MSI2: variants seen among roughly 807,000 people sequenced by gnomAD.
MSI2 encodes the protein musashi RNA binding protein 2.
Under a neutral mutation model 45.6 loss-of-function variants are expected in MSI2, and 17 were observed. That is an observed-to-expected ratio of 0.37 (90% confidence interval 0.26 to 0.56). The LOEUF (loss-of-function observed/expected upper bound fraction) is 0.56. Ranked by LOEUF, MSI2 falls within the 20% of genes least tolerant of loss-of-function variation. The probability of loss-of-function intolerance (pLI) is 0.77; values close to 1 mark genes in which losing one functional copy is unlikely to be tolerated. For synonymous variants in MSI2, 156 were observed against 158.2 expected (o/e 0.99, Z 0.11); for missense variants, 293 against 444.2 (o/e 0.66, Z 3.06).
At chr17:57,517,653 T>C (rs1302332873) in intron 6 of MSI2, among the ~76,000 whole-genome samples, 2 of 152,154 alleles carry the variant, frequency 1.3e-5, no homozygotes, top group Non-Finnish European at 2.9e-5. Flanking sequence ...TCTCCCTCGG[T>C]TACCAACATG....
intron 6 of MSI2, among the ~76,000 whole-genome samples, chr17:57,516,446 ATT>A (rs2086471585): frequency 6.6e-6 from 1 of 152,108 alleles, no homozygotes; most frequent in African/African-American, 2.4e-5. Context: ...AAGATGGTTT[ATT>A]TGCATGCGAC....
intron 5 of MSI2, among the ~76,000 whole-genome samples, chr17:57,331,158 C>G (rs1026314227): frequency 3.9e-5 from 6 of 152,030 alleles, no homozygotes. Context: ...AGGTGATCCA[C>G]CCGCCTCGGC....
chr17:57,475,339 G>A (rs2085517239), intron 6 of MSI2, among the ~76,000 whole-genome samples: 1 of 152,126 alleles, frequency 6.6e-6, no homozygotes, highest in Admixed American at 6.5e-5. Context: ...GTGGGAACGT[G>A]GGTGAGTGTC....
chr17:57,501,708 G>A (rs898810868), intron 6 of MSI2, among the ~76,000 whole-genome samples: 5 of 152,196 alleles, frequency 3.3e-5, no homozygotes, highest in African/African-American at 1.2e-4. Context: ...ACCAAGTTCA[G>A]CCGTTGGCAA....
chr17:57,418,594 C>A (rs1362539396), intron 6 of MSI2, among the ~76,000 whole-genome samples: 1 of 152,198 alleles, frequency 6.6e-6, no homozygotes, highest in African/African-American at 2.4e-5. Context: ...AGGACAGGTG[C>A]TCTGTGTGGA....
At chr17:57,316,425 T>C (rs1912856481) in intron 5 of MSI2, among the ~76,000 whole-genome samples, 1 of 151,818 alleles carries the variant, frequency 6.6e-6, no homozygotes, top group African/African-American at 2.4e-5. Context: ...CCTCCCGGGT[T>C]CAAGCAATCC....
intron 11 of MSI2, among the ~76,000 whole-genome samples, chr17:57,653,458 C>A (rs1230581514): frequency 6.6e-6 from 1 of 152,136 alleles, no homozygotes; most frequent in African/African-American, 2.4e-5. Flanking sequence ...GCCCCACCTG[C>A]CCTCTGGCCA....
At chr17:57,337,521 TG>T (rs1388396981) in intron 5 of MSI2, among the ~76,000 whole-genome samples, 4 of 152,182 alleles carry the variant, frequency 2.6e-5, no homozygotes, top group Non-Finnish European at 5.9e-5. Context: ...GGAAGGCTGT[TG>T]TCTCTGTGTC....
At chr17:57,542,934 T>C (rs549955335) in intron 7 of MSI2, among the ~76,000 whole-genome samples, 2 of 152,360 alleles carry the variant, frequency 1.3e-5, no homozygotes, top group South Asian at 4.1e-4. Context: ...GATTGCTATT[T>C]GCTTGATTAT....
chr17:57,523,098 A>G (rs938434565), intron 6 of MSI2, among the ~76,000 whole-genome samples: 2 of 148,364 alleles, frequency 1.3e-5, no homozygotes, highest in Non-Finnish European at 3.0e-5. Flanking sequence ...TCCAGGCTGG[A>G]GTGCAATGGC....
At chr17:57,568,520 C>T (rs1389301519) in intron 7 of MSI2, among the ~76,000 whole-genome samples, 1 of 152,184 alleles carries the variant, frequency 6.6e-6, no homozygotes, top group East Asian at 1.9e-4. Flanking sequence ...CAAAGGGCCT[C>T]ACAGCAGGAG....
intron 6 of MSI2, among the ~76,000 whole-genome samples, chr17:57,454,499 C>T (rs1333589283): frequency 3.4e-5 from 5 of 147,364 alleles, no homozygotes; most frequent in South Asian, 2.1e-4. Context: ...TGCAGTGGCA[C>T]GATCTTGGCT....
At chr17:57,403,151 G>T (rs2084023719) in intron 6 of MSI2, among the ~76,000 whole-genome samples, 1 of 152,156 alleles carries the variant, frequency 6.6e-6, no homozygotes, top group African/African-American at 2.4e-5. Flanking sequence ...GGAATCTCAT[G>T]GGCCTATTTG....
chr17:57,479,891 A>G lies in MSI2; in HGVS notation c.406-49785A>G, dbSNP rs76440728. On this transcript the variant is annotated intron_variant, in intron 6 of 13. Coordinates refer to ENST00000284073, the MANE Select transcript of MSI2 (RefSeq NM_138962.4). ...GACTGCAGCTTGTGGAGATTGAGTA[A>G]TATATCCAACGTTCTGCCAGCATTC... 2.6e-3 allele frequency among the ~76,000 whole-genome samples: 396 copies of G among 152,348 alleles called. 2 individuals carry two copies. The highest frequency in any genetic ancestry group is 8.7e-3 in the African/African-American group (361 of 41,578).
At chr17:57,558,188 G>A (rs912199057) in intron 7 of MSI2, among the ~76,000 whole-genome samples, 6 of 152,130 alleles carry the variant, frequency 3.9e-5, no homozygotes, top group Admixed American at 3.9e-4. Context: ...CGCCGTTATG[G>A]TCTCAGCGTA....
At chr17:57,330,765 A>G (rs922910629) in intron 5 of MSI2, among the ~76,000 whole-genome samples, 1 of 152,136 alleles carries the variant, frequency 6.6e-6, no homozygotes, top group Admixed American at 6.5e-5. Flanking sequence ...AGCATTGTGC[A>G]GTGGTAGAAC....
At chr17:57,693,420 C>T in the MSI2 span, among the ~76,000 whole-genome samples, 2 of 151,878 alleles carry the variant, frequency 1.3e-5, no homozygotes, top group South Asian at 4.2e-4. Flanking sequence ...GGCCCACCTG[C>T]CTCTGCCTCT....
chr17:57,446,389 C>T (rs529279148), intron 6 of MSI2, among the ~76,000 whole-genome samples: 15 of 152,192 alleles, frequency 9.9e-5, no homozygotes, highest in South Asian at 6.2e-4. Context: ...AGGGGATGGT[C>T]GGAAGGAAGA....
intron 2 of MSI2, 78 bp downstream of exon 2, chr17:57,257,216 GCCCCC>G: frequency 2.0e-5 from 4 of 202,312 alleles, no homozygotes; most frequent in Non-Finnish European, 7.7e-6. Context: ...CGGTGTAGGA[GCCCCC>G]CCCCCCCCGC....
Sources: gnomAD v4.1 joint callset for allele counts (sites outside exome capture counted in the v4.1 genomes callset) on GRCh38, gnomAD v4.1.1 for gene constraint, MANE v1.5 for transcripts, NCBI Gene and HGNC (gene_info 2026-07-23, HGNC 2026-07-21) for gene names.